Variants in RPS6KA2 observed in about 807,000 individuals in gnomAD.
The protein encoded by RPS6KA2 is ribosomal protein S6 kinase alpha-2.
A neutral mutation model predicts 91.8 loss-of-function variants in RPS6KA2; 42 were observed. The observed-to-expected ratio is 0.46, with a 90% CI of 0.36 to 0.59. The LOEUF is 0.59. RPS6KA2 is among the 20% of genes least tolerant of loss of function. The pLI is 0.00. For missense variants in RPS6KA2, 798 were observed against 978.5 expected (o/e 0.82, Z 2.46); for synonymous variants, 414 against 393.6 (o/e 1.05, Z -0.61).
At chr6:166,722,087 A>G (rs1790193365) in intron 2 of RPS6KA2, among the ~76,000 whole-genome samples, 1 of 152,212 alleles carries the variant, frequency 6.6e-6, no homozygotes, top group South Asian at 2.1e-4. Flanking sequence ...ATATAATACA[A>G]TCAGAAAAAT....
chr6:166,590,557 C>T (rs903903519), intron 1 of RPS6KA2, among the ~76,000 whole-genome samples: 8 of 152,112 alleles, frequency 5.3e-5, no homozygotes, highest in Admixed American at 2.6e-4. Flanking sequence ...GACTTCAGGT[C>T]GTTGCACTGT....
chr6:166,523,420 AGCTGGCCCAGGGAG>A (rs1307464176), intron 3 of RPS6KA2, among the ~76,000 whole-genome samples: 2 of 152,192 alleles, frequency 1.3e-5, no homozygotes, highest in African/African-American at 4.8e-5. Context: ...GTGAGGATGC[AGCTGGCCCAGGGAG>A]GCCTGGGGAC....
intron 2 of RPS6KA2, among the ~76,000 whole-genome samples, chr6:166,651,229 A>T (rs1042026936): frequency 2.6e-5 from 4 of 152,250 alleles, no homozygotes; most frequent in Non-Finnish European, 5.9e-5. Flanking sequence ...AAAGCAGAAC[A>T]TATTCTCTAC....
chr6:166,647,925 C>T (rs1348825015), intron 2 of RPS6KA2, among the ~76,000 whole-genome samples: 2 of 150,466 alleles, frequency 1.3e-5, no homozygotes, highest in East Asian at 3.9e-4. Flanking sequence ...CATGCTCACA[C>T]ACACGCACAT....
chr6:166,626,307 G>A lies in RPS6KA2; in HGVS notation c.99+614C>T, dbSNP rs1487009081. Reference sequence around the variant, plus strand: ...TGGGAGTACTCTGGGTTTTCAGGACGAATCTGTATCAGCCTCGGCGCTGCG... The same window carrying A: ...TGGGAGTACTCTGGGTTTTCAGGACAAATCTGTATCAGCCTCGGCGCTGCG... On this transcript the variant is annotated intron_variant, in intron 1 of 20. Transcript: ENST00000265678. The surrounding 1 kb of genome is among the most constrained non-coding windows in gnomAD (Gnocchi z 4.1). Among the ~76,000 whole-genome samples the A allele has an allele frequency of 5.3e-5, 8 of 152,222 alleles. No homozygotes were observed. Among genetic ancestry groups the A allele is most frequent in the African/African-American group, 1.9e-4 (8 of 41,468 alleles).
chr6:166,476,207 G>A (rs1780968883), intron 10 of RPS6KA2, among the ~76,000 whole-genome samples: 1 of 152,282 alleles, frequency 6.6e-6, no homozygotes, highest in Admixed American at 6.5e-5. Flanking sequence ...GGGTGTCAAG[G>A]CTGGCCAGCA....
chr6:166,774,127 A>G (rs140944138), intron 2 of RPS6KA2, among the ~76,000 whole-genome samples: 1 of 152,330 alleles, frequency 6.6e-6, no homozygotes, highest in African/African-American at 2.4e-5. Flanking sequence ...ACTTGGGGTC[A>G]TAGTCTGGAT....
intron 2 of RPS6KA2, among the ~76,000 whole-genome samples, chr6:166,538,402 T>C (rs573018244): frequency 6.6e-6 from 1 of 152,318 alleles, no homozygotes; most frequent in African/African-American, 2.4e-5. Flanking sequence ...GGTGATGATT[T>C]ACCAAGAGCC....
chr6:166,475,730 G>A (rs1360102586), intron 10 of RPS6KA2: 6 of 524,992 alleles, frequency 1.1e-5, no homozygotes, highest in African/African-American at 9.8e-5. Context: ...TCTTTTGAAC[G>A]AAGACATTTT....
At chr6:166,803,890 T>C (rs707765) in intron 2 of RPS6KA2, among the ~76,000 whole-genome samples, 89,460 of 152,142 alleles carry the variant, frequency 0.59, 26,693 homozygotes, top group Non-Finnish European at 0.63. Context: ...TGAAAATTGC[T>C]TTTAAAATGT....
At chr6:166,600,909 C>T (rs998730536) in intron 1 of RPS6KA2, among the ~76,000 whole-genome samples, 8 of 152,214 alleles carry the variant, frequency 5.3e-5, no homozygotes, top group African/African-American at 1.9e-4. Flanking sequence ...TATTGAAATT[C>T]ATCTTGCTTT....
At chr6:166,686,945 G>A (rs1414100990) in intron 2 of RPS6KA2, among the ~76,000 whole-genome samples, 3 of 152,226 alleles carry the variant, frequency 2.0e-5, no homozygotes, top group South Asian at 2.1e-4. Flanking sequence ...GAATAGGATC[G>A]AGTACAAGTC....
At chr6:166,766,218 C>T (rs1041903176) in intron 2 of RPS6KA2, among the ~76,000 whole-genome samples, 3 of 152,118 alleles carry the variant, frequency 2.0e-5, no homozygotes, top group African/African-American at 7.2e-5. Flanking sequence ...AACACTTATC[C>T]ATGTTACTAA....
At chr6:166,750,109 G>A (rs1375326248) in intron 2 of RPS6KA2, among the ~76,000 whole-genome samples, 1 of 152,198 alleles carries the variant, frequency 6.6e-6, no homozygotes, top group Non-Finnish European at 1.5e-5. Flanking sequence ...AGGTGCCCAT[G>A]CCGGAGAGAA....
intron 1 of RPS6KA2, among the ~76,000 whole-genome samples, chr6:166,579,910 G>C (rs1161815618): frequency 6.6e-6 from 1 of 152,174 alleles, no homozygotes; most frequent in Non-Finnish European, 1.5e-5. Flanking sequence ...AATAATCTGA[G>C]GATAGTTCCT....
At chr6:166,513,456 G>A (rs1260881542) in intron 3 of RPS6KA2, among the ~76,000 whole-genome samples, 4 of 152,168 alleles carry the variant, frequency 2.6e-5, no homozygotes, top group African/African-American at 9.7e-5. Context: ...AAAGACCTTG[G>A]GGAGCATGCA....
At chr6:166,803,720 T>G (rs1365873338) in intron 2 of RPS6KA2, among the ~76,000 whole-genome samples, 1 of 152,206 alleles carries the variant, frequency 6.6e-6, no homozygotes, top group African/African-American at 2.4e-5. Flanking sequence ...TGTGCCTGTG[T>G]TATTCACACA....
intron 2 of RPS6KA2, among the ~76,000 whole-genome samples, chr6:166,682,865 C>T (rs1209845323): frequency 6.6e-6 from 1 of 152,214 alleles, no homozygotes; most frequent in African/African-American, 2.4e-5. Context: ...TTTTCCCCTT[C>T]TCTGTTTCTT....
intron 11 of RPS6KA2, among the ~76,000 whole-genome samples, chr6:166,460,107 T>C (rs1471477696): frequency 6.6e-5 from 10 of 152,360 alleles, no homozygotes; most frequent in Middle Eastern, 3.4e-3. Flanking sequence ...TTGGCACCTC[T>C]GCCAGAAACC....
Sources: allele counts gnomAD v4.1 joint callset (sites outside exome capture counted in the v4.1 genomes callset), GRCh38; gene constraint gnomAD v4.1.1; non-coding constraint Gnocchi (gnomAD v3.1); transcripts MANE v1.5; gene names NCBI Gene and HGNC (gene_info 2026-07-23, HGNC 2026-07-21).